ARID2: variants seen among roughly 807,000 people sequenced by gnomAD.
ARID2 encodes AT-rich interaction domain 2.
A neutral mutation model predicts 184.6 loss-of-function variants in ARID2; 32 were observed. The observed-to-expected ratio is 0.17, with a 90% CI of 0.13 to 0.23. The LOEUF (loss-of-function observed/expected upper bound fraction) is 0.23, where lower values mean the gene tolerates loss of function less well. Ranked by LOEUF, ARID2 falls within the 10% of genes least tolerant of loss-of-function variation. ARID2 has a pLI of 1.00. For synonymous variants in ARID2, 836 were observed against 772.6 expected, an observed-to-expected ratio of 1.08 and a Z score of -1.36; for missense variants, 1,696 against 2,197.6, an observed-to-expected ratio of 0.77 and a Z score of 4.56.
chr12:45,730,327 GCGGCGGGCGCGGGGCTC>G (rs1256146067), intron 2 of ARID2, among the ~76,000 whole-genome samples, 190 bp downstream of exon 2: 1 of 147,120 alleles, frequency 6.8e-6, no homozygotes, highest in East Asian at 2.0e-4. Context: ...TCGCGTGCGC[GCGGCGGGCGCGGGGCTC>G]CGGCGGGCGG....
intron 3 of ARID2, among the ~76,000 whole-genome samples, chr12:45,787,874 C>T (rs1425960084): frequency 1.3e-5 from 2 of 152,114 alleles, no homozygotes; most frequent in African/African-American, 4.8e-5. Context: ...AAGGTCTTCT[C>T]TTGTTTTCCT....
intron 3 of ARID2, among the ~76,000 whole-genome samples, chr12:45,753,296 CAAA>C (rs577425733): frequency 7.6e-6 from 1 of 130,886 alleles, no homozygotes; most frequent in Admixed American, 7.7e-5. Flanking sequence ...AACTCCATCT[CAAA>C]AAAAAAAAAA....
chr12:45,889,797 G>T (rs552871062), intron 16 of ARID2, among the ~76,000 whole-genome samples: 1 of 152,184 alleles, frequency 6.6e-6, no homozygotes, highest in African/African-American at 2.4e-5. Context: ...AATTAGCTGG[G>T]CGTGGTGGCA....
intron 2 of ARID2, 121 bp from the exon 3 acceptor site, chr12:45,731,095 CG>C: frequency 1.4e-6 from 1 of 710,258 alleles, no homozygotes; most frequent in Non-Finnish European, 2.5e-6. Flanking sequence ...CCGATCGATC[CG>C]AAACACCCAC....
chr12:45,748,985 A>G (rs1941410842), intron 3 of ARID2, among the ~76,000 whole-genome samples: 1 of 152,228 alleles, frequency 6.6e-6, no homozygotes, highest in Admixed American at 6.5e-5. Context: ...ATTGGAAACA[A>G]TGTCTTCAAA....
chr12:45,860,909 C>G lies in ARID2; in HGVS notation c.4882C>G (p.Pro1628Ala). 2 of 1,600,594 alleles carry G rather than the reference C, an allele frequency of 1.2e-6. No individual in the cohort carries two copies. The highest frequency in any genetic ancestry group is 1.7e-6 in the Non-Finnish European group (2 of 1,173,336). Residue 1628 changes from proline (P) to alanine (A), a missense_variant, in exon 16 of 21, where the codon CCT becomes GCT. This residue lies in a region of ARID2 where 111 missense variants were observed against 154.0 expected (regional missense o/e 0.72). Transcript: ENST00000334344. ...SSQPGDPMRK[P>A]GQNFMCLWQS... ...TCAGCCTGGAGATCCAATGAGAAAA[C>G]CTGGACAGAACTTCATGTGTCTGTG...
At chr12:45,902,922 TAAAG>T (rs1565646302) in intron 20 of ARID2, among the ~76,000 whole-genome samples, 1 of 152,222 alleles carries the variant, frequency 6.6e-6, no homozygotes, top group African/African-American at 2.4e-5. Context: ...AAGAAAATCA[TAAAG>T]ATTTTATAAA....
chr12:45,746,169 G>A (rs1376478265), intron 3 of ARID2, among the ~76,000 whole-genome samples: 6 of 150,710 alleles, frequency 4.0e-5, no homozygotes, highest in Non-Finnish European at 8.9e-5. Context: ...GAAGAGTAGT[G>A]GTGCAATCAT....
chr12:45,860,779 C>A, intron 15 of ARID2, 22 bp from the exon 16 acceptor site: 1 of 1,480,716 alleles, frequency 6.8e-7, no homozygotes, highest in South Asian at 1.6e-5. Flanking sequence ...GTCACAAACT[C>A]TGCATTTGTT....
intron 16 of ARID2, among the ~76,000 whole-genome samples, chr12:45,885,710 G>C (rs1055857132): frequency 2.6e-5 from 4 of 152,196 alleles, no homozygotes; most frequent in African/African-American, 9.7e-5. Flanking sequence ...ATGGCAGAAG[G>C]AGAAGCAAAC....
intron 3 of ARID2, among the ~76,000 whole-genome samples, chr12:45,754,873 C>T (rs1941537075): frequency 6.6e-6 from 1 of 152,008 alleles, no homozygotes; most frequent in Non-Finnish European, 1.5e-5. Context: ...TGAATGCTTG[C>T]AAGGATAATT....
At chr12:45,841,752 T>C (rs1943345616) in intron 11 of ARID2, 1 of 152,198 alleles carries the variant, frequency 6.6e-6, no homozygotes, top group Admixed American at 6.5e-5. Context: ...TTTTTTAAAA[T>C]ACACAAACTC....
intron 16 of ARID2, among the ~76,000 whole-genome samples, chr12:45,876,493 T>G (rs1237937095): frequency 6.7e-6 from 1 of 148,370 alleles, no homozygotes; most frequent in Non-Finnish European, 1.5e-5. Flanking sequence ...GAGGTTGCGG[T>G]GAGCCAGAGA....
chr12:45,812,901 CCAAA>C (rs770891713), intron 4 of ARID2, among the ~76,000 whole-genome samples: 3 of 152,130 alleles, frequency 2.0e-5, no homozygotes, highest in Admixed American at 2.0e-4. Context: ...ACTACTGTTC[CCAAA>C]CAAACACTTT....
chr12:45,751,294 G>A (rs1941461040), intron 3 of ARID2, among the ~76,000 whole-genome samples: 1 of 152,190 alleles, frequency 6.6e-6, no homozygotes, highest in Non-Finnish European at 1.5e-5. Context: ...CAGCAAGAGA[G>A]TATGCTTGGT....
intron 16 of ARID2, among the ~76,000 whole-genome samples, chr12:45,884,894 T>C (rs1325433086): frequency 6.6e-6 from 1 of 152,200 alleles, no homozygotes; most frequent in Non-Finnish European, 1.5e-5. Context: ...CTATGACTTT[T>C]AATCTGGATT....
At chr12:45,859,096 A>G (rs774636269) in intron 15 of ARID2, among the ~76,000 whole-genome samples, 6 of 152,112 alleles carry the variant, frequency 3.9e-5, no homozygotes, top group African/African-American at 1.4e-4. Context: ...GTTCTCAGCA[A>G]TTTTAGCTTA....
chr12:45,778,180 TG>T (rs1378519689), intron 3 of ARID2, among the ~76,000 whole-genome samples: 6 of 151,656 alleles, frequency 4.0e-5, no homozygotes, highest in African/African-American at 1.5e-4. Context: ...CGCTCCAGCC[TG>T]GGGGACAAGA....
Position 45,730,818 on chromosome 12 carries a change from G to GC in ARID2, c.187-389dup, listed in dbSNP as rs764003087. ...GGGATCGGAATCGGCCCCAGCCCCGGCCCCCCCCCCAACCCGCGGACGTCG... is the reference window on the plus strand; with the variant it reads ...GGGATCGGAATCGGCCCCAGCCCCGGCCCCCCCCCCCAACCCGCGGACGTCG... On this transcript the variant is annotated intron_variant, in intron 2 of 20. Coordinates refer to ENST00000334344, the MANE Select transcript of ARID2 (RefSeq NM_152641.4). Among the ~76,000 whole-genome samples the GC allele has an allele frequency of 6.7e-3, 942 of 141,344 alleles. 13 individuals carry two copies. The highest frequency in any genetic ancestry group is 0.027 in the Admixed American group (385 of 14,136). 92.7% of individuals were successfully genotyped at this position (141,344 alleles called of 152,430 possible). A position where few individuals can be genotyped will look rare whatever the true frequency, so the allele number is the denominator to read the frequency against.
Sources: gnomAD v4.1 joint callset for allele counts (sites outside exome capture counted in the v4.1 genomes callset) on GRCh38, gnomAD v4.1.1 for gene constraint, gnomAD v4.1.1 regional missense constraint, MANE v1.5 for transcripts, NCBI Gene and HGNC (gene_info 2026-07-23, HGNC 2026-07-21) for gene names.